The following ABHD17C variants were observed in gnomAD, a reference collection of about 807,000 sequenced individuals.
ABHD17C encodes alpha/beta hydrolase domain-containing protein 17C.
Under a neutral mutation model 27.9 loss-of-function variants are expected in ABHD17C, and 11 were observed. The ratio of observed to expected loss-of-function variants is 0.39; its 90% CI spans 0.25 to 0.65. The LOEUF (loss-of-function observed/expected upper bound fraction) is 0.65. ABHD17C is among the 30% of genes least tolerant of loss of function. ABHD17C has a pLI of 0.45. For missense variants in ABHD17C, 280 were observed against 470.2 expected, an observed-to-expected ratio of 0.60 and a Z score of 3.74; for synonymous variants, 233 against 209.1, an observed-to-expected ratio of 1.11 and a Z score of -0.98.
intron 1 of ABHD17C, among the ~76,000 whole-genome samples, chr15:80,722,254 G>A (rs1223397096): frequency 6.8e-6 from 1 of 146,278 alleles, no homozygotes; most frequent in Non-Finnish European, 1.5e-5. Flanking sequence ...TTCCAGTGAT[G>A]TTTGGATTGG....
intron 1 of ABHD17C, among the ~76,000 whole-genome samples, chr15:80,699,733 G>A (rs1229981543): frequency 6.6e-6 from 1 of 152,198 alleles, no homozygotes; most frequent in Non-Finnish European, 1.5e-5. Context: ...GGTTTCAGGA[G>A]GAAGTAGATT....
intron 1 of ABHD17C, among the ~76,000 whole-genome samples, chr15:80,727,169 C>G (rs1165897775): frequency 1.3e-5 from 2 of 152,200 alleles, no homozygotes; most frequent in African/African-American, 2.4e-5. Context: ...GATGTCTTTT[C>G]CGTGCCCTTG....
chr15:80,744,590 C>G (rs147813936), intron 1 of ABHD17C, among the ~76,000 whole-genome samples: 1 of 152,348 alleles, frequency 6.6e-6, no homozygotes, highest in African/African-American at 2.4e-5. Context: ...TTAGCACGCT[C>G]TTGTTTTCTG....
chr15:80,737,556 A>T (rs1387841632), intron 1 of ABHD17C, among the ~76,000 whole-genome samples: 1 of 152,230 alleles, frequency 6.6e-6, no homozygotes, highest in African/African-American at 2.4e-5. Flanking sequence ...ATACAATTTT[A>T]TCTACCCTTG....
intron 1 of ABHD17C, among the ~76,000 whole-genome samples, chr15:80,709,172 T>C (rs1894694153): frequency 6.6e-6 from 1 of 151,344 alleles, no homozygotes; most frequent in Non-Finnish European, 1.5e-5. Flanking sequence ...ATATTGTAAA[T>C]ATAAATATAT....
chr15:80,726,403 A>T (rs573557043), intron 1 of ABHD17C, among the ~76,000 whole-genome samples: 10 of 147,752 alleles, frequency 6.8e-5, no homozygotes, highest in African/African-American at 2.3e-4. Flanking sequence ...TTTCTTCTTG[A>T]CTCAGGAGTA....
At position 80,695,429 on chromosome 15, in the gene ABHD17C, G is replaced by A. The variant is rs1339081165; in HGVS notation, c.-1G>A. 5 of 1,322,264 alleles carry A rather than the reference G, an allele frequency of 3.8e-6. No individual in the cohort carries two copies. Among genetic ancestry groups the A allele is most frequent in the Non-Finnish European group, 4.9e-6 (5 of 1,020,188 alleles). The allele number at this position is 1,322,264 out of a possible 1,614,324, so 81.9% of individuals were successfully genotyped here. On this transcript the variant is annotated 5_prime_UTR_variant, in exon 1 of 3. Coordinates refer to ENST00000258884, the MANE Select transcript of ABHD17C (RefSeq NM_021214.2). The surrounding 1 kb of genome is among the most constrained non-coding windows in gnomAD (Gnocchi z 4.3). ...CCGGCGGCGGGCACCAGGCCGTCCC[G>A]ATGCCCGAGCCAGGCCCCAGGATGA...
intron 1 of ABHD17C, among the ~76,000 whole-genome samples, chr15:80,700,608 T>A (rs1357429118): frequency 6.6e-6 from 1 of 152,126 alleles, no homozygotes; most frequent in Non-Finnish European, 1.5e-5. Flanking sequence ...AGTAAACCAT[T>A]AAACATAGGC....
chr15:80,749,527 C>T lies in ABHD17C; in HGVS notation c.605C>T (p.Pro202Leu). 6.2e-7 allele frequency: 1 copy of T among 1,613,744 alleles called. No individual in the cohort carries two copies. Among genetic ancestry groups the T allele is most frequent in the Non-Finnish European group, 8.5e-7 (1 of 1,179,790 alleles). ...GATTTCTCCAGGTATGGCGTGAGTC[C>T]CGAGAACATTATCCTCTATGGTCAG... ...QALRTRYGVS[P>L]ENIILYGQSI... The change falls in exon 2 of 3, where the codon CCC (proline) becomes CTC (leucine). Residue 202 changes from proline to leucine, a missense_variant. Pro to Leu is a moderately conservative substitution (Grantham distance 98). This residue lies in a region of ABHD17C where 206 missense variants were observed against 394.7 expected (regional missense o/e 0.52). Transcript: ENST00000258884.
At chr15:80,753,785 A>G (rs967430031) in intron 2 of ABHD17C, among the ~76,000 whole-genome samples, 6 of 152,236 alleles carry the variant, frequency 3.9e-5, no homozygotes, top group African/African-American at 1.4e-4. Context: ...TGATTTAAGA[A>G]AAAAAACTAA....
At chr15:80,705,333 T>TTTGTTTGTGTGTGTGTGTGTGTG (rs10523879) in intron 1 of ABHD17C, among the ~76,000 whole-genome samples, 1 of 106,890 alleles carries the variant, frequency 9.4e-6, no homozygotes, top group African/African-American at 3.5e-5. Context: ...TTCCTATGAT[T>TTTGTTTGTGTGTGTGTGTGTGTG]TGTGTGTGTG....
intron 1 of ABHD17C, among the ~76,000 whole-genome samples, chr15:80,740,231 G>C (rs1207932658): frequency 6.6e-6 from 1 of 152,098 alleles, no homozygotes; most frequent in African/African-American, 2.4e-5. Flanking sequence ...ACTGCCTGTT[G>C]CTACCATGTT....
In ABHD17C at chr15:80,695,648, G is replaced by T. The variant is rs1894483935; in HGVS notation, c.219G>T (p.Pro73=). Residue 73 remains proline, a synonymous_variant, in exon 1 of 3, where the codon CCG becomes CCT. Coordinates refer to ENST00000258884, the MANE Select transcript of ABHD17C (RefSeq NM_021214.2). The surrounding 1 kb of genome is among the most constrained non-coding windows in gnomAD (Gnocchi z 4.3). ...TAAAAAAQPA[P]QQPEEGAGAG... is the part of the protein sequence containing the mutation. ...CCGCCGCCGCGGCCCAGCCGGCACC[G>T]CAGCAGCCCGAGGAGGGCGCGGGCG... 2 of 1,360,948 alleles carry T rather than the reference G, an allele frequency of 1.5e-6. No individual in the cohort carries two copies. The highest frequency in any genetic ancestry group is 1.9e-6 in the Non-Finnish European group (2 of 1,065,302). 84.3% of individuals were successfully genotyped at this position (1,360,948 alleles called of 1,614,324 possible).
At chr15:80,753,901 C>T (rs1381212119) in intron 2 of ABHD17C, among the ~76,000 whole-genome samples, 1 of 152,172 alleles carries the variant, frequency 6.6e-6, no homozygotes, top group East Asian at 1.9e-4. Flanking sequence ...ATTGGGGAGA[C>T]TGTGCATGTG....
At chr15:80,750,680 A>G (rs770377870) in intron 2 of ABHD17C, among the ~76,000 whole-genome samples, 5 of 152,178 alleles carry the variant, frequency 3.3e-5, no homozygotes, top group African/African-American at 4.8e-5. Flanking sequence ...CCAGGATTCA[A>G]TGAGATTCGG....
At chr15:80,748,155 A>G (rs767008880) in intron 1 of ABHD17C, among the ~76,000 whole-genome samples, 24 of 152,274 alleles carry the variant, frequency 1.6e-4, no homozygotes, top group Non-Finnish European at 2.9e-4. Context: ...TAGGGCCTCC[A>G]TTCTTCCATG....
chr15:80,703,738 AT>A (rs1266282154), intron 1 of ABHD17C, among the ~76,000 whole-genome samples: 19 of 152,270 alleles, frequency 1.2e-4, no homozygotes, highest in Non-Finnish European at 2.2e-4. Context: ...CCCAATTATA[AT>A]TTGTTAAGAG....
At chr15:80,706,128 G>C (rs972504521) in intron 1 of ABHD17C, among the ~76,000 whole-genome samples, 1 of 152,214 alleles carries the variant, frequency 6.6e-6, no homozygotes, top group African/African-American at 2.4e-5. Flanking sequence ...TTCCTAGTTG[G>C]CCAGGGGACC....
intron 1 of ABHD17C, among the ~76,000 whole-genome samples, chr15:80,714,356 A>G (rs1008586060): frequency 2.0e-5 from 3 of 152,192 alleles, no homozygotes; most frequent in Admixed American, 2.0e-4. Context: ...TTCACACATT[A>G]CATAATTTTA....
Sources: allele counts gnomAD v4.1 joint callset (sites outside exome capture counted in the v4.1 genomes callset), GRCh38; gene constraint gnomAD v4.1.1; regional missense constraint gnomAD v4.1.1; non-coding constraint Gnocchi (gnomAD v3.1); transcripts MANE v1.5; gene names NCBI Gene and HGNC (gene_info 2026-07-23, HGNC 2026-07-21).